The following ITGB5 variants were observed in gnomAD, a reference collection of about 807,000 sequenced individuals.
ITGB5 encodes integrin beta-5.
ITGB5 carries 38 observed loss-of-function variants against 84.8 expected under a neutral mutation model. The observed-to-expected ratio is 0.45, with a 90% confidence interval of 0.35 to 0.59. The LOEUF (loss-of-function observed/expected upper bound fraction) is 0.59, where lower values mean the gene tolerates loss of function less well. Among genes scored for constraint, ITGB5 ranks in the 20% least tolerant of loss-of-function variants. The pLI is 0.01. For synonymous variants in ITGB5, 393 were observed against 414.4 expected (o/e 0.95, Z 0.63); for missense variants, 905 against 1,034.5 (o/e 0.87, Z 1.72).
intron 2 of ITGB5, among the ~76,000 whole-genome samples, chr3:124,868,399 T>C (rs1278295983): frequency 6.9e-6 from 1 of 145,166 alleles, no homozygotes; most frequent in Admixed American, 6.7e-5. Flanking sequence ...CCATACATCC[T>C]GGTCTCAGAG....
At chr3:124,830,967 G>A (rs1233559415) in intron 5 of ITGB5, among the ~76,000 whole-genome samples, 1 of 152,124 alleles carries the variant, frequency 6.6e-6, no homozygotes, top group Non-Finnish European at 1.5e-5. Flanking sequence ...CTGGGTGACA[G>A]AGCACAACTC....
At position 124,858,530 on chromosome 3, in the gene ITGB5, C is replaced by T. The variant is rs182589019; in HGVS notation, c.361+712G>A. On this transcript the variant is annotated intron_variant, in intron 3 of 14. Coordinates refer to ENST00000296181, the MANE Select transcript of ITGB5 (RefSeq NM_002213.5). The stretch of plus-strand genomic sequence containing the variant: ...ACAAATGAATAAACAAAATGTGATA[C>T]ACCCATACAATGAAATATTACTCAG... Among the ~76,000 whole-genome samples the T allele has an allele frequency of 1.3e-4, 20 of 152,276 alleles. 1 individual carries two copies. The East Asian group carries it at 3.9e-3, about 29-fold the overall frequency.
chr3:124,821,285 G>T, intron 6 of ITGB5, 28 bp downstream of exon 6: 1 of 1,597,268 alleles, frequency 6.3e-7, no homozygotes, highest in Non-Finnish European at 8.5e-7. Context: ...AGGCAACAGG[G>T]AGGGGGGATC....
chr3:124,804,007 G>T (rs561741408), intron 9 of ITGB5, among the ~76,000 whole-genome samples: 1 of 152,154 alleles, frequency 6.6e-6, no homozygotes, highest in Non-Finnish European at 1.5e-5. Context: ...GGTTGTTTCT[G>T]GTCCTTCCCA....
At chr3:124,865,558 C>T (rs979319867) in intron 2 of ITGB5, among the ~76,000 whole-genome samples, 1 of 140,432 alleles carries the variant, frequency 7.1e-6, no homozygotes, top group Non-Finnish European at 1.5e-5. Context: ...GTGATCACCA[C>T]TCACTGCAGC....
intron 4 of ITGB5, among the ~76,000 whole-genome samples, chr3:124,848,048 T>C (rs1292065219): frequency 6.6e-6 from 1 of 152,212 alleles, no homozygotes; most frequent in East Asian, 1.9e-4. Context: ...TCTATTAATG[T>C]GAGCAAATGG....
chr3:124,882,920 C>T (rs1364989460), intron 1 of ITGB5, among the ~76,000 whole-genome samples: 1 of 152,156 alleles, frequency 6.6e-6, no homozygotes, highest in Non-Finnish European at 1.5e-5. Flanking sequence ...GGAAGTAAAC[C>T]CTGCATTCAA....
At chr3:124,842,537 G>T (rs528743328) in intron 4 of ITGB5, among the ~76,000 whole-genome samples, 1 of 152,352 alleles carries the variant, frequency 6.6e-6, no homozygotes, top group South Asian at 2.1e-4. Flanking sequence ...AGAGCCCAAG[G>T]ACAGAGGGAG....
chr3:124,806,796 G>GTTTTT (rs10654284), intron 9 of ITGB5, among the ~76,000 whole-genome samples: 33 of 147,544 alleles, frequency 2.2e-4, no homozygotes, highest in African/African-American at 7.9e-4. Context: ...AAGCATTAGT[G>GTTTTT]TTTTTTTTTT....
chr3:124,887,642 C>T (rs1170156281), upstream of ITGB5: 1 of 445,672 alleles, frequency 2.2e-6, no homozygotes. Flanking sequence ...GAGCCCGCTC[C>T]CGTTGCTTAG....
chr3:124,766,479 G>A, intron 12 of ITGB5, 134 bp from the exon 13 acceptor site: 3 of 1,059,958 alleles, frequency 2.8e-6, no homozygotes, highest in African/African-American at 1.6e-5. Context: ...TTAAGGGGAG[G>A]CTGGGCCTTT....
At chr3:124,872,643 T>C (rs890063683) in intron 2 of ITGB5, among the ~76,000 whole-genome samples, 2 of 152,164 alleles carry the variant, frequency 1.3e-5, no homozygotes, top group Admixed American at 1.3e-4. Context: ...GGGGCACTTT[T>C]ACAGGGAGGG....
chr3:124,814,445 A>G, intron 8 of ITGB5, among the ~76,000 whole-genome samples: 1 of 150,604 alleles, frequency 6.6e-6, no homozygotes, highest in East Asian at 2.0e-4. Flanking sequence ...TGTTAATTAT[A>G]TGTCAATAAG....
intron 10 of ITGB5, among the ~76,000 whole-genome samples, chr3:124,776,141 G>A (rs1271899844): frequency 6.7e-6 from 1 of 150,204 alleles, no homozygotes; most frequent in Non-Finnish European, 1.5e-5. Context: ...GTAAGCCACT[G>A]GAAAGGGCAG....
intron 10 of ITGB5, among the ~76,000 whole-genome samples, chr3:124,784,276 G>A (rs2064048612): frequency 1.3e-5 from 2 of 152,204 alleles, no homozygotes; most frequent in African/African-American, 4.8e-5. Flanking sequence ...AGTTTGGGAG[G>A]CTGAGGTGGG....
At chr3:124,823,015 C>G (rs1360428638) in intron 5 of ITGB5, among the ~76,000 whole-genome samples, 1 of 152,176 alleles carries the variant, frequency 6.6e-6, no homozygotes, top group East Asian at 1.9e-4. Context: ...AATCCCAACA[C>G]TTTGGGAGGC....
upstream of ITGB5, among the ~76,000 whole-genome samples, chr3:124,892,367 T>C (rs1935017615): frequency 6.6e-6 from 1 of 151,354 alleles, no homozygotes; most frequent in African/African-American, 2.4e-5. Context: ...ATGTACTTAA[T>C]GCCACTGAAT....
intron 8 of ITGB5, among the ~76,000 whole-genome samples, chr3:124,810,257 A>C (rs541799738): frequency 6.6e-6 from 1 of 152,248 alleles, no homozygotes; most frequent in African/African-American, 2.4e-5. Context: ...AAAGGCATAT[A>C]TATTGTATAA....
At chr3:124,825,735 GA>G (rs2064776573) in intron 5 of ITGB5, among the ~76,000 whole-genome samples, 1 of 152,196 alleles carries the variant, frequency 6.6e-6, no homozygotes, top group Non-Finnish European at 1.5e-5. Flanking sequence ...CGGGGTGATG[GA>G]AATAATCCAT....
Sources: allele counts gnomAD v4.1 joint callset (sites outside exome capture counted in the v4.1 genomes callset), GRCh38; gene constraint gnomAD v4.1.1; transcripts MANE v1.5; gene names NCBI Gene and HGNC (gene_info 2026-07-23, HGNC 2026-07-21).